The following RPL23A variants were observed in gnomAD, a reference collection of about 807,000 sequenced individuals.
RPL23A encodes large ribosomal subunit protein uL23.
Under a neutral mutation model 17.6 loss-of-function variants are expected in RPL23A, and 2 were observed. That is an observed-to-expected ratio of 0.11 (90% CI 0.05 to 0.36). RPL23A has a LOEUF of 0.36. Ranked by LOEUF, RPL23A falls within the 10% of genes least tolerant of loss-of-function variation. The probability of loss-of-function intolerance (pLI) is 1.00; values close to 1 mark genes in which losing one functional copy is unlikely to be tolerated. For synonymous variants in RPL23A, 65 were observed against 74.3 expected, an observed-to-expected ratio of 0.87 and a Z score of 0.65; for missense variants, 132 against 194.4, an observed-to-expected ratio of 0.68 and a Z score of 1.91.
At chr17:28,720,960 C>G in intron 2 of RPL23A, 70 bp downstream of exon 2, 1 of 1,352,800 alleles carries the variant, frequency 7.4e-7, no homozygotes, top group Non-Finnish European at 1.0e-6. Context: ...AATTCACTCA[C>G]TCTGCGTGAT....
chr17:28,723,808 C>G, intron 4 of RPL23A, 59 bp from the exon 5 acceptor site: 1 of 1,532,064 alleles, frequency 6.5e-7, no homozygotes, highest in Non-Finnish European at 9.0e-7. Context: ...CTAAAAATAA[C>G]ATTCCAGCTT....
intron 2 of RPL23A, chr17:28,721,208 C>T (rs964963963): frequency 3.9e-6 from 1 of 257,538 alleles, no homozygotes; most frequent in East Asian, 9.8e-5. Context: ...GAAAATTCGC[C>T]GGGCATGGTG....
chr17:28,720,223 G>C, intron 1 of RPL23A, 193 bp downstream of exon 1: 1 of 1,533,220 alleles, frequency 6.5e-7, no homozygotes, highest in Non-Finnish European at 8.8e-7. Flanking sequence ...GGTAGAGGGA[G>C]TTGGGGGGGG....
chr17:28,724,237 G>A lies in RPL23A; in HGVS notation c.*356G>A. 1.9e-6 allele frequency: 1 copy of A among 538,956 alleles called. No individual in the cohort carries two copies. The highest frequency in any genetic ancestry group is 3.3e-6 in the Non-Finnish European group (1 of 303,874). The allele number at this position is 538,956 out of a possible 1,614,324, so 33.4% of individuals were successfully genotyped here. On this transcript the variant is annotated 3_prime_UTR_variant, in exon 5 of 5. Coordinates refer to ENST00000422514, the MANE Select transcript of RPL23A (RefSeq NM_000984.6). ...GAAGGGTGTTAGCATCCATTTCAGG[G>A]GAGTGTGGATTGGCTGGCTCTCTGG...
chr17:28,720,240 C>G (rs1023181730), intron 1 of RPL23A: 18 of 1,539,440 alleles, frequency 1.2e-5, no homozygotes, highest in African/African-American at 2.7e-5. Flanking sequence ...GGGGGCAACG[C>G]GGCAGGCATC....
At position 28,723,964 on chromosome 17, in the gene RPL23A, G is replaced by A; in HGVS notation, c.*83G>A. ...CATGCCTGTCTGTCAATTTCTGGTT[G>A]GGCTGGGAGGCCACACACACACACT... On this transcript the variant is annotated 3_prime_UTR_variant, in exon 5 of 5. Coordinates refer to ENST00000422514, the MANE Select transcript of RPL23A (RefSeq NM_000984.6). 4 of 1,004,818 alleles carry A rather than the reference G, an allele frequency of 4.0e-6. No homozygotes were observed. The highest frequency in any genetic ancestry group is 5.3e-5 in the East Asian group (2 of 37,606). 62.2% of individuals were successfully genotyped at this position (1,004,818 alleles called of 1,614,324 possible). A position where few individuals can be genotyped will look rare whatever the true frequency, so the allele number is the denominator to read the frequency against.
At chr17:28,720,140 G>C in intron 1 of RPL23A, 110 bp downstream of exon 1, 1 of 1,529,830 alleles carries the variant, frequency 6.5e-7, no homozygotes, top group Non-Finnish European at 8.9e-7. Flanking sequence ...TCTGCTCCGG[G>C]GCTGCTCCCT....
intron 2 of RPL23A, 180 bp downstream of exon 2, chr17:28,721,070 G>A: frequency 1.7e-6 from 1 of 589,844 alleles, no homozygotes; most frequent in African/African-American, 1.9e-5. Context: ...TCAGCCCAGA[G>A]GCCGGGCGCG....
intron 1 of RPL23A, 181 bp from the exon 2 acceptor site, chr17:28,720,525 GT>G: frequency 6.7e-7 from 1 of 1,503,146 alleles, no homozygotes; most frequent in Non-Finnish European, 9.3e-7. Flanking sequence ...GTTACTTAGA[GT>G]TGGTCGCTTT....
intron 2 of RPL23A, chr17:28,722,308 A>T (rs1032363853): frequency 3.4e-6 from 1 of 290,370 alleles, no homozygotes; most frequent in Admixed American, 4.1e-5. Context: ...CCTCTTGAGT[A>T]GCTCGGACTA....
At chr17:28,720,182 C>T in intron 1 of RPL23A, 152 bp downstream of exon 1, 1 of 1,528,692 alleles carries the variant, frequency 6.5e-7, no homozygotes, top group Non-Finnish European at 8.8e-7. Context: ...ATACGTGGGC[C>T]GCGTGGGCCC....
rs916603216 is a variant in RPL23A at position 28,723,278 on chromosome 17, T to C, written c.387-293T>C. ...GGACCTGAGGCTTTCTAGGACTTGATTGGGGGTTGGTCCTCATTTTCTGGG... is the reference window on the plus strand; with the variant it reads ...GGACCTGAGGCTTTCTAGGACTTGACTGGGGGTTGGTCCTCATTTTCTGGG... On this transcript the variant is annotated intron_variant, in intron 3 of 4. Coordinates refer to ENST00000422514, the MANE Select transcript of RPL23A (RefSeq NM_000984.6). 1.6e-5 allele frequency: 9 copies of C among 563,964 alleles called. No homozygotes were observed. In the Admixed American group the frequency reaches 2.1e-4, roughly 13 times the overall value. 34.9% of individuals were successfully genotyped at this position (563,964 alleles called of 1,614,324 possible).
intron 1 of RPL23A, 22 bp from the exon 2 acceptor site, chr17:28,720,685 G>C (rs747123898): frequency 8.1e-6 from 13 of 1,613,808 alleles, no homozygotes; most frequent in Non-Finnish European, 1.0e-5. Context: ...CCGCACCCAC[G>C]TTTTCTTTCC....
At chr17:28,721,918 C>T (rs1012790647) in intron 2 of RPL23A, 2 of 152,178 alleles carry the variant, frequency 1.3e-5, no homozygotes, top group East Asian at 1.9e-4. Flanking sequence ...GCTTAAGCCA[C>T]TGCTGTGGCT....
intron 1 of RPL23A, 195 bp downstream of exon 1, chr17:28,720,225 T>TC: frequency 6.6e-7 from 1 of 1,506,308 alleles, no homozygotes; most frequent in Non-Finnish European, 9.0e-7. Flanking sequence ...TAGAGGGAGT[T>TC]GGGGGGGGGC....
intron 2 of RPL23A, chr17:28,721,573 T>G (rs2034115622): frequency 6.6e-6 from 1 of 152,342 alleles, no homozygotes; most frequent in Admixed American, 6.5e-5. Flanking sequence ...TTGGCAGTTA[T>G]GGCCTGCTGC....
intron 3 of RPL23A, chr17:28,723,247 T>C (rs908754227): frequency 9.4e-5 from 51 of 545,176 alleles, no homozygotes; most frequent in South Asian, 7.6e-4. Context: ...TTACAGACCT[T>C]TGTGTGGACC....
intron 1 of RPL23A, 197 bp downstream of exon 1, chr17:28,720,227 G>T (rs548045167): frequency 4.7e-5 from 72 of 1,536,266 alleles, no homozygotes; most frequent in Middle Eastern, 2.0e-4. Flanking sequence ...GAGGGAGTTG[G>T]GGGGGGGCAA....
intron 2 of RPL23A, 168 bp from the exon 3 acceptor site, chr17:28,722,555 T>C (rs1289911533): frequency 6.5e-6 from 5 of 771,108 alleles, no homozygotes; most frequent in Admixed American, 1.7e-5. Flanking sequence ...GCCCCTGGGA[T>C]TGGGGCTTCA....
Sources: gnomAD v4.1 joint callset for allele counts on GRCh38, gnomAD v4.1.1 for gene constraint, MANE v1.5 for transcripts, NCBI Gene and HGNC (gene_info 2026-07-23, HGNC 2026-07-21) for gene names.